The following PTPRD variants were observed in gnomAD, a reference collection of about 807,000 sequenced individuals.
The protein encoded by PTPRD is receptor-type tyrosine-protein phosphatase delta.
Under a neutral mutation model 214.5 loss-of-function variants are expected in PTPRD, and 34 were observed. That is an observed-to-expected ratio of 0.16 (90% CI 0.12 to 0.21). The LOEUF (loss-of-function observed/expected upper bound fraction) is 0.21. Ranked by LOEUF, PTPRD falls within the 10% of genes least tolerant of loss-of-function variation. The pLI, the probability that PTPRD is intolerant of heterozygous loss-of-function variation, is 1.00. For missense variants in PTPRD, 2,545 were observed against 2,398.7 expected (o/e 1.06, Z -1.27); for synonymous variants, 1,128 against 845.7 (o/e 1.33, Z -5.79).
intron 7 of PTPRD, among the ~76,000 whole-genome samples, chr9:9,656,899 T>C (rs1185870841): frequency 6.6e-6 from 1 of 152,126 alleles, no homozygotes. Flanking sequence ...AGGAACACTG[T>C]AATTTCCTCT....
Position 10,029,671 on chromosome 9 carries a change from G to A in PTPRD, c.-472+4047C>T, listed in dbSNP as rs138286569. ...GTGCCTGTATCCCTATTGTACCTAG[G>A]AAGTAACTAATTTGCTTTTGATTTT... is the stretch of plus-strand genomic sequence containing the variant. On this transcript the variant is annotated intron_variant, in intron 4 of 45. Transcript: ENST00000381196. 5.3e-3 allele frequency among the ~76,000 whole-genome samples: 803 copies of A among 152,308 alleles called. 8 individuals are homozygous for A. The highest frequency in any genetic ancestry group is 0.018 in the African/African-American group (738 of 41,572).
At chr9:9,625,611 C>T (rs1051603679) in intron 7 of PTPRD, among the ~76,000 whole-genome samples, 6 of 151,058 alleles carry the variant, frequency 4.0e-5, no homozygotes, top group Non-Finnish European at 8.8e-5. Context: ...AAAACCAAAC[C>T]AAATGGAAAA....
chr9:9,081,243 T>A (rs1231495452), intron 10 of PTPRD, among the ~76,000 whole-genome samples: 2 of 152,150 alleles, frequency 1.3e-5, no homozygotes, highest in East Asian at 3.8e-4. Flanking sequence ...TGCCTTAATT[T>A]CATTATTTAC....
intron 10 of PTPRD, among the ~76,000 whole-genome samples, chr9:9,022,051 T>A (rs889394594): frequency 6.6e-6 from 1 of 151,966 alleles, no homozygotes; most frequent in South Asian, 2.1e-4. Context: ...GATGACCGGT[T>A]CATAGGTGCA....
chr9:10,089,327 TATG>T (rs1254816310), intron 3 of PTPRD, among the ~76,000 whole-genome samples: 1 of 151,656 alleles, frequency 6.6e-6, no homozygotes, highest in Non-Finnish European at 1.5e-5. Flanking sequence ...TGATAGTATT[TATG>T]ATAATACAAG....
At chr9:9,526,302 C>T (rs548476651) in intron 8 of PTPRD, among the ~76,000 whole-genome samples, 12 of 152,122 alleles carry the variant, frequency 7.9e-5, no homozygotes, top group African/African-American at 1.4e-4. Flanking sequence ...TTTACATACA[C>T]GTACTTGGGT....
chr9:8,667,269 G>A (rs760774770), intron 12 of PTPRD, among the ~76,000 whole-genome samples: 40 of 152,150 alleles, frequency 2.6e-4, no homozygotes, highest in Non-Finnish European at 4.3e-4. Flanking sequence ...AACACGGGAC[G>A]CAGAAGTTGC....
At chr9:10,005,156 G>C (rs1225112503) in intron 4 of PTPRD, among the ~76,000 whole-genome samples, 2 of 151,746 alleles carry the variant, frequency 1.3e-5, no homozygotes, top group Non-Finnish European at 2.9e-5. Flanking sequence ...TAACCTTTGG[G>C]CGATTATAAT....
chr9:9,977,375 G>T (rs1346448341), intron 4 of PTPRD, among the ~76,000 whole-genome samples: 1 of 152,142 alleles, frequency 6.6e-6, no homozygotes, highest in African/African-American at 2.4e-5. Context: ...TATAATGTGA[G>T]ATTTCAAACA....
In PTPRD at chr9:9,744,120, C is replaced by T. The variant is rs151337197; in HGVS notation, c.-325-9549G>A. Among the ~76,000 whole-genome samples the T allele has an allele frequency of 1.3e-3, 191 of 152,186 alleles. 1 individual carries two copies. The highest frequency in any genetic ancestry group is 4.2e-3 in the African/African-American group (176 of 41,542). On this transcript the variant is annotated intron_variant, in intron 6 of 45. Transcript: ENST00000381196. ...CATGAATACTTATTACCACCATTTTCGATAGGAATTTTAACTCACTTGAGG... is the reference window on the plus strand; with the variant it reads ...CATGAATACTTATTACCACCATTTTTGATAGGAATTTTAACTCACTTGAGG...
intron 8 of PTPRD, among the ~76,000 whole-genome samples, chr9:9,454,226 G>A (rs2092664773): frequency 6.6e-6 from 1 of 151,544 alleles, no homozygotes; most frequent in Non-Finnish European, 1.5e-5. Context: ...TGGCTTTCTG[G>A]GGAACAAAAA....
At chr9:8,990,860 C>T (rs1178038448) in intron 11 of PTPRD, among the ~76,000 whole-genome samples, 1 of 152,060 alleles carries the variant, frequency 6.6e-6, no homozygotes, top group African/African-American at 2.4e-5. Context: ...TAAGATTATA[C>T]TCTTTTGGTC....
intron 3 of PTPRD, among the ~76,000 whole-genome samples, chr9:10,196,809 C>T (rs294830): frequency 0.36 from 55,034 of 151,842 alleles, 10,414 homozygotes; most frequent in East Asian, 0.48. Flanking sequence ...TGATAGTGTT[C>T]AGAAGTGGGG....
chr9:8,748,866 C>T (rs370029002), intron 11 of PTPRD, among the ~76,000 whole-genome samples: 7 of 152,112 alleles, frequency 4.6e-5, no homozygotes, highest in East Asian at 3.9e-4. Context: ...GCCAAGATTG[C>T]GCCAGTGCAC....
chr9:9,819,735 G>C (rs2050064006), intron 5 of PTPRD, among the ~76,000 whole-genome samples: 1 of 152,044 alleles, frequency 6.6e-6, no homozygotes, highest in Admixed American at 6.6e-5. Flanking sequence ...CCGACACTTA[G>C]CTCCCACTTA....
intron 11 of PTPRD, among the ~76,000 whole-genome samples, chr9:8,864,445 G>A (rs531825873): frequency 1.6e-4 from 24 of 152,262 alleles, no homozygotes; most frequent in African/African-American, 5.1e-4. Flanking sequence ...AGAAATAAAC[G>A]AGAGTAAAAC....
intron 4 of PTPRD, among the ~76,000 whole-genome samples, chr9:10,002,183 A>G (rs1423177714): frequency 6.6e-6 from 1 of 151,088 alleles, no homozygotes; most frequent in African/African-American, 2.4e-5. Flanking sequence ...AGAATAAATA[A>G]CATAGGAACC....
At chr9:9,187,384 C>A (rs535951106) in intron 9 of PTPRD, among the ~76,000 whole-genome samples, 2 of 151,936 alleles carry the variant, frequency 1.3e-5, no homozygotes, top group Non-Finnish European at 2.9e-5. Flanking sequence ...CCTTAAACAC[C>A]AGGTAAGTAA....
chr9:9,566,257 T>C (rs2084497063), intron 8 of PTPRD, among the ~76,000 whole-genome samples: 1 of 152,014 alleles, frequency 6.6e-6, no homozygotes, highest in Non-Finnish European at 1.5e-5. Flanking sequence ...CTCGATAAGA[T>C]AAAAATAATT....
Sources: allele counts gnomAD v4.1 joint callset (sites outside exome capture counted in the v4.1 genomes callset), GRCh38; gene constraint gnomAD v4.1.1; transcripts MANE v1.5; gene names NCBI Gene and HGNC (gene_info 2026-07-23, HGNC 2026-07-21).